Variants in PRKDC observed in about 807,000 individuals in gnomAD.
PRKDC encodes the protein DNA-dependent protein kinase catalytic subunit.
Under a neutral mutation model 486.9 loss-of-function variants are expected in PRKDC, and 82 were observed. The observed-to-expected ratio is 0.17, with a 90% CI of 0.14 to 0.20. The LOEUF (loss-of-function observed/expected upper bound fraction) is 0.20, where lower values mean the gene tolerates loss of function less well. Among genes scored for constraint, PRKDC ranks in the 10% least tolerant of loss-of-function variants. The probability of loss-of-function intolerance (pLI) is 1.00; values close to 1 mark genes in which losing one functional copy is unlikely to be tolerated. For missense variants in PRKDC, 4,504 were observed against 5,038.2 expected, an observed-to-expected ratio of 0.89 and a Z score of 3.21; for synonymous variants, 1,895 against 1,837.0, an observed-to-expected ratio of 1.03 and a Z score of -0.81.
At chr8:47,784,682 T>C (rs1470707673) in intron 77 of PRKDC, among the ~76,000 whole-genome samples, 1 of 152,060 alleles carries the variant, frequency 6.6e-6, no homozygotes, top group Non-Finnish European at 1.5e-5. Context: ...TGCAGGTCAG[T>C]GACTTATCAT....
rs1417980716 is a variant in PRKDC, at chr8:47,794,484, G to A, written c.10476C>T (p.Cys3492=). Residue 3492 remains cysteine (C), a synonymous_variant, in exon 74 of 86, where the codon TGC becomes TGT. Transcript: ENST00000314191. ...LMTKEISSVP[C]WQFISWISHM... is the part of the protein sequence containing the mutation. The stretch of plus-strand genomic sequence containing the variant: ...GGCTGATCCAGCTGATGAACTGCCA[G>A]CAGGGAACGGAAGAGATCTAAAACA... 2 of 1,611,138 alleles carry A rather than the reference G, an allele frequency of 1.2e-6. No individual in the cohort carries two copies. Among genetic ancestry groups the A allele is most frequent in the Admixed American group, 1.7e-5 (1 of 59,980 alleles).
chr8:47,948,109 C>T (rs1398875594), intron 7 of PRKDC, among the ~76,000 whole-genome samples: 2 of 151,078 alleles, frequency 1.3e-5, no homozygotes, highest in Non-Finnish European at 1.5e-5. Context: ...CACACACACA[C>T]ACACACACAC....
intron 27 of PRKDC, among the ~76,000 whole-genome samples, chr8:47,901,474 CAAAAACAAAAACAAAAAAAAATA>C (rs1468109006): frequency 6.6e-6 from 1 of 151,092 alleles, no homozygotes; most frequent in Non-Finnish European, 1.5e-5. Flanking sequence ...ACTCTGTCTC[CAAAAACAAAAACAAAAAAAAATA>C]GAAAAGAAAA....
chr8:47,857,949 C>T (rs2088582531), intron 48 of PRKDC, among the ~76,000 whole-genome samples: 1 of 152,136 alleles, frequency 6.6e-6, no homozygotes, highest in South Asian at 2.1e-4. Context: ...GGCTCTGGTC[C>T]AGACCACACT....
chr8:47,895,312 G>C (rs557020041), intron 30 of PRKDC, among the ~76,000 whole-genome samples: 1 of 152,178 alleles, frequency 6.6e-6, no homozygotes, highest in South Asian at 2.1e-4. Context: ...ATCAAGGAAG[G>C]CTCCTTAATG....
chr8:47,934,051 C>G lies in PRKDC; in HGVS notation c.1537G>C (p.Glu513Gln). ...ACCTTCCATTTGCCAGTTCTGACTT[C>G]CCCTGAAGCACGGTGGTCTTCAGAT... ...SESEDHRASG[E>Q]VRTGKWKVPT... The change falls in exon 15 of 86, where the codon GAA becomes CAA. Residue 513 changes from glutamate (E) to glutamine (Q), a missense_variant. Glu to Gln is a conservative substitution (Grantham distance 29, BLOSUM62 2). Around this residue, in one of 6 missense-constraint regions of PRKDC, gnomAD observed 1,969 missense variants for 2,068.9 expected, o/e 0.95. Transcript: ENST00000314191. The G allele has an allele frequency of 6.2e-7, 1 of 1,613,796 alleles. No homozygotes were observed.
intron 4 of PRKDC, among the ~76,000 whole-genome samples, chr8:47,955,448 C>T (rs986929417): frequency 9.0e-5 from 10 of 110,970 alleles, no homozygotes; most frequent in African/African-American, 2.9e-4. Flanking sequence ...GGCGACAGAG[C>T]GAGACTCCGT....
At chr8:47,892,012 G>A (rs1399185997) in intron 31 of PRKDC, among the ~76,000 whole-genome samples, 1 of 151,960 alleles carries the variant, frequency 6.6e-6, no homozygotes, top group African/African-American at 2.4e-5. Context: ...GGGATTAACA[G>A]GGACCTGCCA....
At chr8:47,865,374 T>G (rs1398584366) in intron 40 of PRKDC, among the ~76,000 whole-genome samples, 5 of 148,580 alleles carry the variant, frequency 3.4e-5, no homozygotes, top group African/African-American at 1.3e-4. Flanking sequence ...AGAGTGAGAC[T>G]CCGTCTCAAA....
intron 68 of PRKDC, among the ~76,000 whole-genome samples, chr8:47,809,216 CT>C (rs1287178542): frequency 6.6e-6 from 1 of 151,868 alleles, no homozygotes; most frequent in Non-Finnish European, 1.5e-5. Context: ...CCTTTTTCCT[CT>C]TTTTTTGTTA....
In PRKDC at chr8:47,883,278, A is replaced by G. The variant is rs550083325; in HGVS notation, c.4777-1181T>C. On this transcript the variant is annotated intron_variant, in intron 36 of 85. Coordinates refer to ENST00000314191, the MANE Select transcript of PRKDC (RefSeq NM_006904.7). The stretch of plus-strand genomic sequence containing the variant: ...GTCCACACTGCCGCTGAGAAGACAT[A>G]TGTCATTCAATTTCTAGATCCTTTC... Among the ~76,000 whole-genome samples, 5 of 152,334 alleles carry G rather than the reference A, an allele frequency of 3.3e-5. No homozygotes were observed. The East Asian group carries it at 7.7e-4, about 23-fold the overall frequency.
Position 47,858,564 on chromosome 8 carries a change from T to C in PRKDC, c.6417A>G (p.Pro2139=), listed in dbSNP as rs2088597851. 3 of 1,553,400 alleles carry C rather than the reference T, an allele frequency of 1.9e-6. No individual in the cohort carries two copies. Among genetic ancestry groups the C allele is most frequent in the South Asian group, 1.2e-5 (1 of 82,852 alleles). Residue 2139 remains proline (P), a synonymous_variant, in exon 48 of 86, where the codon CCA becomes CCG. Transcript: ENST00000314191. ...TGGCTAAGAAGAGACGGATATTTAA[T>C]GGTACTATTGGATTTCCCAGTTTGC... ...LHGKLGNPIV[P]LNIRLFLAKL... is the part of the protein sequence containing the mutation.
intron 74 of PRKDC, among the ~76,000 whole-genome samples, chr8:47,793,175 T>C (rs761421161): frequency 6.6e-6 from 1 of 152,248 alleles, no homozygotes; most frequent in African/African-American, 2.4e-5. Context: ...CAGACCATCA[T>C]GCCCAGCAAG....
At chr8:47,852,625 TCAAAA>T in intron 52 of PRKDC, 43 bp downstream of exon 52, 1 of 1,218,040 alleles carries the variant, frequency 8.2e-7, no homozygotes, top group Non-Finnish European at 1.2e-6. Flanking sequence ...TCATAACAAA[TCAAAA>T]CAGAGTAAGA....
intron 10 of PRKDC, among the ~76,000 whole-genome samples, chr8:47,941,372 G>A (rs563133644): frequency 6.6e-6 from 1 of 152,280 alleles, no homozygotes; most frequent in East Asian, 1.9e-4. Flanking sequence ...TGGGACTCAG[G>A]GTGGAGCTGA....
At chr8:47,861,366 A>G (rs7820803) in intron 44 of PRKDC, among the ~76,000 whole-genome samples, 1,593 of 152,378 alleles carry the variant, frequency 0.01, 26 homozygotes, top group African/African-American at 0.037. Context: ...ATGTGTCTAC[A>G]CGCTTAATAA....
At chr8:47,784,438 C>T (rs1231365066) in intron 77 of PRKDC, among the ~76,000 whole-genome samples, 1 of 151,626 alleles carries the variant, frequency 6.6e-6, no homozygotes, top group Non-Finnish European at 1.5e-5. Context: ...TTGAAATGAA[C>T]CATATGCAAC....
chr8:47,775,955 C>G (rs2086601476), intron 85 of PRKDC, among the ~76,000 whole-genome samples: 1 of 151,982 alleles, frequency 6.6e-6, no homozygotes, highest in South Asian at 2.1e-4. Flanking sequence ...TCCCTAGCAG[C>G]TGGGATTACA....
rs956770106 is a variant in PRKDC at position 47,932,914 on chromosome 8, T to C, written c.1776+106A>G. ...CATAATAATCCTGAAGAACCAAATTTTCTCCAGTTCTCCTCTACAAATGTG... is the reference window on the plus strand; with the variant it reads ...CATAATAATCCTGAAGAACCAAATTCTCTCCAGTTCTCCTCTACAAATGTG... On this transcript the variant is annotated intron_variant, in intron 16 of 85. Coordinates refer to ENST00000314191, the MANE Select transcript of PRKDC (RefSeq NM_006904.7). 4 of 997,216 alleles carry C rather than the reference T, an allele frequency of 4.0e-6. No individual in the cohort carries two copies. In the African/African-American group the frequency reaches 6.7e-5, roughly 17 times the overall value. 61.8% of individuals were successfully genotyped at this position (997,216 alleles called of 1,614,324 possible). A position where few individuals can be genotyped will look rare whatever the true frequency, so the allele number is the denominator to read the frequency against.
Sources: allele counts gnomAD v4.1 joint callset (sites outside exome capture counted in the v4.1 genomes callset), GRCh38; gene constraint gnomAD v4.1.1; regional missense constraint gnomAD v4.1.1; transcripts MANE v1.5; gene names NCBI Gene and HGNC (gene_info 2026-07-23, HGNC 2026-07-21).